Variants in BCAS1 observed in about 807,000 individuals in gnomAD.
BCAS1 encodes brain enriched myelin associated protein 1, also known as breast carcinoma-amplified sequence 1.
BCAS1 carries 46 observed loss-of-function variants against 65.4 expected under a neutral mutation model. That is an observed-to-expected ratio of 0.70 (90% CI 0.55 to 0.90). The LOEUF (loss-of-function observed/expected upper bound fraction) is 0.90. Ranked by LOEUF, BCAS1 falls within the 40% of genes least tolerant of loss-of-function variation. The probability of loss-of-function intolerance (pLI) is 0.00; values close to 1 mark genes in which losing one functional copy is unlikely to be tolerated. For missense variants in BCAS1, 793 were observed against 771.2 expected, an observed-to-expected ratio of 1.03 and a Z score of -0.33; for synonymous variants, 298 against 293.5, an observed-to-expected ratio of 1.02 and a Z score of -0.16.
intron 9 of BCAS1, among the ~76,000 whole-genome samples, chr20:53,972,675 G>C (rs2145675477): frequency 6.6e-6 from 1 of 151,888 alleles, no homozygotes; most frequent in Non-Finnish European, 1.5e-5. Context: ...ATCATTTTTA[G>C]CTTGTGGGCT....
intron 4 of BCAS1, among the ~76,000 whole-genome samples, chr20:54,025,702 T>C (rs1307399688): frequency 6.6e-6 from 1 of 152,070 alleles, no homozygotes; most frequent in African/African-American, 2.4e-5. Flanking sequence ...CAAGGCATAA[T>C]TCACCCTAAG....
intron 12 of BCAS1, among the ~76,000 whole-genome samples, chr20:53,946,719 TATAG>T (rs2089336774): frequency 2.4e-5 from 3 of 127,086 alleles, no homozygotes; most frequent in African/African-American, 1.0e-4. Context: ...TAGTCCACTG[TATAG>T]TATAGTAAAT....
chr20:54,034,770 C>T (rs560216087), intron 3 of BCAS1, among the ~76,000 whole-genome samples: 1 of 151,184 alleles, frequency 6.6e-6, no homozygotes, highest in Non-Finnish European at 1.5e-5. Context: ...CTTCACAGAA[C>T]CAGAGAAAAC....
chr20:53,949,318 A>G (rs1051499485), intron 12 of BCAS1, among the ~76,000 whole-genome samples: 2 of 152,184 alleles, frequency 1.3e-5, no homozygotes, highest in Non-Finnish European at 2.9e-5. Flanking sequence ...TGTGAATGCC[A>G]AGGGCTTCCT....
intron 1 of BCAS1, among the ~76,000 whole-genome samples, chr20:54,065,565 C>G (rs1029251147): frequency 3.9e-5 from 6 of 152,218 alleles, no homozygotes; most frequent in Non-Finnish European, 8.8e-5. Flanking sequence ...GAAGAATTGT[C>G]TGCTTTGCTG....
rs208388 is a variant in BCAS1 at position 54,021,378 on chromosome 20, T to C, written c.723+7014A>G. 1.3e-4 allele frequency among the ~76,000 whole-genome samples: 16 copies of C among 121,808 alleles called. 1 individual carries two copies. Among genetic ancestry groups the C allele is most frequent in the African/African-American group, 4.2e-4 (15 of 35,676 alleles). 79.9% of individuals were successfully genotyped at this position (121,808 alleles called of 152,430 possible). A position where few individuals can be genotyped will look rare whatever the true frequency, so the allele number is the denominator to read the frequency against. On this transcript the variant is annotated intron_variant, in intron 4 of 12. Transcript: ENST00000688948. Reference sequence around the variant, plus strand: ...CTCCACTGTCCTGGAGTCTATTAAGTGTGCAATAGCATTACGTCTAAAAAA... The same window carrying C: ...CTCCACTGTCCTGGAGTCTATTAAGCGTGCAATAGCATTACGTCTAAAAAA...
rs563303477 is a variant in BCAS1, at chr20:53,981,746, C to A, written c.1275+3541G>T. On this transcript the variant is annotated intron_variant, in intron 8 of 12. Transcript: ENST00000688948. ...TTCCCACTCCACTCTTTGTCTCCCC[C>A]AAAGGAAAGCAGAAAAGGGATATTT... is the stretch of plus-strand genomic sequence containing the variant. 1.4e-4 allele frequency among the ~76,000 whole-genome samples: 22 copies of A among 151,802 alleles called. No homozygotes were observed. The East Asian group carries it at 2.7e-3, about 19-fold the overall frequency.
At chr20:54,016,180 G>A (rs1434448699) in intron 4 of BCAS1, among the ~76,000 whole-genome samples, 4 of 151,988 alleles carry the variant, frequency 2.6e-5, no homozygotes, top group South Asian at 2.1e-4. Flanking sequence ...CCTCGTTTAC[G>A]GTGTCTAGTG....
Position 53,966,934 on chromosome 20 carries a change from G to T in BCAS1, c.1457C>A (p.Thr486Asn). 1.9e-6 allele frequency: 3 copies of T among 1,612,700 alleles called. No homozygotes were observed. The African/African-American group carries it at 4.0e-5, about 22-fold the overall frequency. ...KLKREESKPRTSLMAFLRQMS... is the reference protein window; with the variant it reads ...KLKREESKPRNSLMAFLRQMS... ...TTGTCTGAGAAACGCCATCAGAGAG[G>T]TTCTTGGTTTGCTTTCTTCTCTTTT... Residue 486 changes from threonine (T) to asparagine (N), a missense_variant, in exon 10 of 13, where the codon ACC becomes AAC. Thr to Asn is a moderately conservative substitution (Grantham distance 65). Coordinates refer to ENST00000688948, the MANE Select transcript of BCAS1 (RefSeq NM_001366298.2).
At chr20:54,035,181 G>A (rs2091875902) in intron 3 of BCAS1, among the ~76,000 whole-genome samples, 1 of 151,032 alleles carries the variant, frequency 6.6e-6, no homozygotes, top group African/African-American at 2.4e-5. Context: ...GGAAGGCCGA[G>A]GAGGGCGGAT....
intron 4 of BCAS1, among the ~76,000 whole-genome samples, chr20:53,999,129 C>T (rs2090994439): frequency 6.6e-6 from 1 of 152,086 alleles, no homozygotes; most frequent in African/African-American, 2.4e-5. Flanking sequence ...AAATTAAATC[C>T]AGGTGGTGGA....
intron 10 of BCAS1, among the ~76,000 whole-genome samples, chr20:53,963,085 C>T (rs367915361): frequency 7.3e-5 from 11 of 151,480 alleles, no homozygotes; most frequent in African/African-American, 2.2e-4. Flanking sequence ...CTCCTGACCT[C>T]GTAATCCACC....
chr20:53,982,506 A>G (rs990553109), intron 8 of BCAS1, among the ~76,000 whole-genome samples: 2 of 152,174 alleles, frequency 1.3e-5, no homozygotes, highest in African/African-American at 4.8e-5. Flanking sequence ...TGCTGTCTGT[A>G]ACTACAGGCT....
chr20:53,949,560 G>A (rs559464674), intron 12 of BCAS1, among the ~76,000 whole-genome samples: 3 of 152,308 alleles, frequency 2.0e-5, no homozygotes, highest in South Asian at 2.1e-4. Context: ...CCAGGAAGGC[G>A]GTCAGGCAAC....
chr20:53,977,833 G>A (rs929448916), intron 8 of BCAS1, among the ~76,000 whole-genome samples: 12 of 152,014 alleles, frequency 7.9e-5, no homozygotes, highest in African/African-American at 2.9e-4. Context: ...ATCCAGTTGA[G>A]CATCTCTCAA....
chr20:53,966,405 C>G (rs534494498), intron 10 of BCAS1, among the ~76,000 whole-genome samples: 1 of 152,138 alleles, frequency 6.6e-6, no homozygotes, highest in African/African-American at 2.4e-5. Context: ...TATGTTCTCA[C>G]TCATAATTGG....
At chr20:53,968,060 C>T (rs991729962) in intron 9 of BCAS1, among the ~76,000 whole-genome samples, 4 of 152,174 alleles carry the variant, frequency 2.6e-5, no homozygotes, top group Non-Finnish European at 4.4e-5. Context: ...GGTCGTGCTA[C>T]GTTGCCCATG....
chr20:54,040,982 G>A (rs749199460), intron 3 of BCAS1, among the ~76,000 whole-genome samples: 2 of 151,268 alleles, frequency 1.3e-5, no homozygotes, highest in Non-Finnish European at 3.0e-5. Flanking sequence ...ATATAATAGA[G>A]TATTAATCAG....
chr20:54,023,285 A>G (rs1250174506), intron 4 of BCAS1, among the ~76,000 whole-genome samples: 8 of 152,232 alleles, frequency 5.3e-5, no homozygotes. Flanking sequence ...TGACTATTTA[A>G]GACTATGGGC....
Sources: gnomAD v4.1 joint callset for allele counts (sites outside exome capture counted in the v4.1 genomes callset) on GRCh38, gnomAD v4.1.1 for gene constraint, MANE v1.5 for transcripts, NCBI Gene and HGNC (gene_info 2026-07-23, HGNC 2026-07-21) for gene names.